JUP: variants seen among roughly 807,000 people sequenced by gnomAD.
JUP encodes catenin (cadherin-associated protein), gamma 80kDa.
JUP carries 28 observed loss-of-function variants against 71.1 expected under a neutral mutation model. The ratio of observed to expected loss-of-function variants is 0.39; its 90% CI spans 0.29 to 0.54. The LOEUF (loss-of-function observed/expected upper bound fraction) is 0.54. JUP is among the 20% of genes least tolerant of loss of function. JUP has a pLI of 0.62. For synonymous variants in JUP, 401 were observed against 438.9 expected (o/e 0.91, Z 1.08); for missense variants, 869 against 1,030.1 (o/e 0.84, Z 2.14).
chr17:41,776,961 G>A (rs1013668880), intron 1 of JUP, among the ~76,000 whole-genome samples: 2 of 152,184 alleles, frequency 1.3e-5, no homozygotes, highest in South Asian at 2.1e-4. Flanking sequence ...AGCCGAGATC[G>A]CACCAATTGC....
rs782088103 is a variant in JUP at position 41,756,223 on chromosome 17, GGA to G, written c.2047-11_2047-10del. 2.5e-6 allele frequency: 4 copies of G among 1,613,722 alleles called. No homozygotes were observed. Among genetic ancestry groups the G allele is most frequent in the Non-Finnish European group, 3.4e-6 (4 of 1,179,782 alleles). ...GGAATCATGCTCTGGGCCTGAAAAAGGAGAGAGAAACATGGAGGGGAGGTTTG... is the reference window on the plus strand; with the variant it reads ...GGAATCATGCTCTGGGCCTGAAAAAGGAGAGAAACATGGAGGGGAGGTTTG... On this transcript the variant is annotated splice_polypyrimidine_tract_variant and intron_variant, in intron 12 of 13. Coordinates refer to ENST00000393931, the MANE Select transcript of JUP (RefSeq NM_002230.4).
chr17:41,763,106 A>G lies in JUP; in HGVS notation c.1374T>C (p.Ala458=), dbSNP rs1211030490. 3 of 1,614,074 alleles carry G rather than the reference A, an allele frequency of 1.9e-6. No individual in the cohort carries two copies. The highest frequency in any genetic ancestry group is 2.2e-5 in the East Asian group (1 of 44,882). ...KDDITEPAVC[A]LRHLTSRHPE... Reference sequence around the variant, plus strand: ...GGTGGCGGCTAGTGAGGTGGCGCAGAGCGCAGACGGCAGGCTCCGTGATGT... The same window carrying G: ...GGTGGCGGCTAGTGAGGTGGCGCAGGGCGCAGACGGCAGGCTCCGTGATGT... Residue 458 remains alanine (A), a synonymous_variant, in exon 8 of 14, where the codon GCT becomes GCC. Transcript: ENST00000393931.
chr17:41,770,442 C>T (rs955879202), intron 2 of JUP, among the ~76,000 whole-genome samples: 1 of 152,180 alleles, frequency 6.6e-6, no homozygotes, highest in African/African-American at 2.4e-5. Context: ...TCTAATTAGT[C>T]GAGAAGGAGG....
Position 41,769,500 on chromosome 17 carries a change from T to C in JUP, c.386A>G (p.His129Arg). 6.2e-7 allele frequency: 1 copy of C among 1,613,026 alleles called. No homozygotes were observed. Among genetic ancestry groups the C allele is most frequent in the Non-Finnish European group, 8.5e-7 (1 of 1,179,678 alleles). The change falls in exon 3 of 14, where the codon CAT becomes CGT. Residue 129 changes from histidine to arginine, a missense_variant. His to Arg is a conservative substitution (Grantham distance 29). Transcript: ENST00000393931. ...PSQLLKSAIV[H>R]LINYQDDAEL... ...GGCATCGTCCTGGTAGTTGATGAGA[T>C]GCACAATGGCCGACTTGAGCAGCTG...
intron 4 of JUP, 33 bp from the exon 5 acceptor site, chr17:41,767,613 G>A (rs369706296): frequency 1.3e-6 from 2 of 1,565,932 alleles, no homozygotes; most frequent in East Asian, 2.2e-5. Flanking sequence ...GTACGCTGAG[G>A]TCCCAGAGGC....
chr17:41,764,938 C>T lies in JUP; in HGVS notation c.1039G>A (p.Ala347Thr), dbSNP rs782301706. The T allele has an allele frequency of 2.5e-5, 40 of 1,614,064 alleles. No homozygotes were observed. Among genetic ancestry groups the T allele is most frequent in the Admixed American group, 3.3e-5 (2 of 59,996 alleles). ...VLSVCPSNKP[A>T]IVEAGGMQAL... is the part of the protein sequence containing the mutation. ...TCATACTCACCAGCCTCCACAATGG[C>T]AGGCTTATTGCTGGGACACACGGAT... The change falls in exon 6 of 14, where the codon GCC (alanine) becomes ACC (threonine). Residue 347 changes from alanine to threonine, a missense_variant. Coordinates refer to ENST00000393931, the MANE Select transcript of JUP (RefSeq NM_002230.4).
intron 5 of JUP, 56 bp from the exon 6 acceptor site, chr17:41,765,123 G>A: frequency 1.3e-6 from 2 of 1,550,472 alleles, no homozygotes; most frequent in Non-Finnish European, 1.8e-6. Flanking sequence ...CAGGAACAAG[G>A]AAGCGCGGGA....
At position 41,777,789 on chromosome 17, in the gene JUP, G is replaced by T. The variant is rs1236631663; in HGVS notation, c.-8-5927C>A. ...GCTCCTTCCCAAAGCAAACAAACCC[G>T]GGTAGGAAAATGAAGGGGATTTGTA... is the stretch of plus-strand genomic sequence containing the variant. On this transcript the variant is annotated intron_variant, in intron 1 of 13. Coordinates refer to ENST00000393931, the MANE Select transcript of JUP (RefSeq NM_002230.4). Among the ~76,000 whole-genome samples the T allele has an allele frequency of 2.0e-5, 3 of 152,182 alleles. No homozygotes were observed. The East Asian group carries it at 5.8e-4, about 29-fold the overall frequency.
At position 41,771,651 on chromosome 17, in the gene JUP, G is replaced by T; in HGVS notation, c.204C>A (p.Ser68Arg). 1.2e-6 allele frequency: 2 copies of T among 1,613,014 alleles called. No homozygotes were observed. The change falls in exon 2 of 14, where the codon AGC (serine) becomes AGA (arginine). Residue 68 changes from serine (S) to arginine (R), a missense_variant. Physicochemically the swap from Ser to Arg is moderately radical, Grantham distance 110. Coordinates refer to ENST00000393931, the MANE Select transcript of JUP (RefSeq NM_002230.4). ...TTTYTQGVPPSQGDLEYQMST... is the reference protein window; with the variant it reads ...TTTYTQGVPPRQGDLEYQMST... The stretch of plus-strand genomic sequence containing the variant: ...ATAGTCCCCAGGGGTCCTGACCTTG[G>T]CTGGGGGGCACCCCCTGGGTGTAAG...
At position 41,768,899 on chromosome 17, in the gene JUP, T is replaced by G. The variant is rs527728922; in HGVS notation, c.707+70A>C. Reference sequence around the variant, plus strand: ...GTGCTCACTGGATATTTATGGAAGCTCAGGGAAGGGAGGGGAGAGGCCCAA... The same window carrying G: ...GTGCTCACTGGATATTTATGGAAGCGCAGGGAAGGGAGGGGAGAGGCCCAA... On this transcript the variant is annotated intron_variant, in intron 4 of 13. Transcript: ENST00000393931. 28 of 1,214,838 alleles carry G rather than the reference T, an allele frequency of 2.3e-5. No individual in the cohort carries two copies. The East Asian group carries it at 6.7e-4, about 29-fold the overall frequency. 75.3% of individuals were successfully genotyped at this position (1,214,838 alleles called of 1,614,324 possible).
At position 41,764,931 on chromosome 17, in the gene JUP, A is replaced by T; in HGVS notation, c.1046T>A (p.Val349Glu). Residue 349 changes from valine to glutamate, a missense_variant, in exon 6 of 14, where the codon GTG becomes GAG. Val to Glu is a moderately radical substitution (Grantham distance 121). Transcript: ENST00000393931. ...SVCPSNKPAIVEAGGMQALGK... is the reference protein window; with the variant it reads ...SVCPSNKPAIEEAGGMQALGK... ...AAGGCCATCATACTCACCAGCCTCCACAATGGCAGGCTTATTGCTGGGACA... is the reference window on the plus strand; with the variant it reads ...AAGGCCATCATACTCACCAGCCTCCTCAATGGCAGGCTTATTGCTGGGACA... The T allele has an allele frequency of 3.7e-6, 6 of 1,614,168 alleles. No individual in the cohort carries two copies. Among genetic ancestry groups the T allele is most frequent in the Non-Finnish European group, 5.1e-6 (6 of 1,180,020 alleles).
chr17:41,774,882 C>A (rs904709356), intron 1 of JUP, among the ~76,000 whole-genome samples: 5 of 151,802 alleles, frequency 3.3e-5, no homozygotes, highest in Non-Finnish European at 1.5e-5. Flanking sequence ...GCGGGCAGAT[C>A]ACGAGGTCAG....
chr17:41,759,004 T>C, intron 8 of JUP, 134 bp from the exon 9 acceptor site: 1 of 897,786 alleles, frequency 1.1e-6, no homozygotes, highest in Non-Finnish European at 1.6e-6. Flanking sequence ...CTGGAAAATA[T>C]CCAGAGAAGG....
At chr17:41,766,596 T>C (rs949248120) in intron 5 of JUP, among the ~76,000 whole-genome samples, 1 of 152,084 alleles carries the variant, frequency 6.6e-6, no homozygotes, top group East Asian at 1.9e-4. Context: ...GTCTCATGCC[T>C]GTAATCCCAG....
chr17:41,758,263 T>C (rs1914200266), intron 10 of JUP, 136 bp downstream of exon 10: 1 of 1,110,536 alleles, frequency 9.0e-7, no homozygotes, highest in South Asian at 1.4e-5. Context: ...GTAGTCAATC[T>C]GGAGTGGCAA....
intron 1 of JUP, chr17:41,772,141 G>C: frequency 1.9e-6 from 1 of 533,564 alleles, no homozygotes; most frequent in Non-Finnish European, 3.4e-6. Flanking sequence ...ATGAGCCCCA[G>C]GGGGCAGGAC....
intron 1 of JUP, chr17:41,772,944 G>A (rs781993152): frequency 1.5e-5 from 15 of 985,388 alleles, no homozygotes; most frequent in South Asian, 1.4e-4. Flanking sequence ...GAGAATGGAC[G>A]CCGTGATCCC....
At chr17:41,779,003 A>G (rs35759479) in intron 1 of JUP, among the ~76,000 whole-genome samples, 82,220 of 151,552 alleles carry the variant, frequency 0.54, 23,428 homozygotes, top group Middle Eastern at 0.7. Context: ...TTGGGAGGCC[A>G]AGGCGGGTGG....
At chr17:41,774,241 G>T (rs1352987804) in intron 1 of JUP, among the ~76,000 whole-genome samples, 1 of 152,070 alleles carries the variant, frequency 6.6e-6, no homozygotes, top group Non-Finnish European at 1.5e-5. Context: ...TGGGGGGGTG[G>T]GGGGGTGGAC....
Sources: gnomAD v4.1 joint callset for allele counts (sites outside exome capture counted in the v4.1 genomes callset) on GRCh38, gnomAD v4.1.1 for gene constraint, MANE v1.5 for transcripts, NCBI Gene and HGNC (gene_info 2026-07-23, HGNC 2026-07-21) for gene names.